Variants in STX7 observed in about 807,000 individuals in gnomAD.
STX7 encodes syntaxin-7.
A neutral mutation model predicts 39.6 loss-of-function variants in STX7; 34 were observed. The ratio of observed to expected loss-of-function variants is 0.86; its 90% CI spans 0.65 to 1.14. The LOEUF (loss-of-function observed/expected upper bound fraction) is 1.14, where lower values mean the gene tolerates loss of function less well. Ranked by LOEUF, STX7 falls within the 50% of genes most tolerant of loss-of-function variation. STX7 has a pLI of 0.00. For synonymous variants in STX7, 119 were observed against 99.1 expected (o/e 1.20, Z -1.19); for missense variants, 284 against 310.4 (o/e 0.92, Z 0.64).
chr6:132,493,141 A>G (rs1054135690), intron 2 of STX7, among the ~76,000 whole-genome samples: 1 of 152,230 alleles, frequency 6.6e-6, no homozygotes, highest in Non-Finnish European at 1.5e-5. Context: ...AATATCATTA[A>G]TACGTAACTT....
At chr6:132,509,429 C>A (rs940435657) in intron 1 of STX7, among the ~76,000 whole-genome samples, 4 of 143,910 alleles carry the variant, frequency 2.8e-5, no homozygotes, top group East Asian at 2.1e-4. Context: ...TCCAGCCCGG[C>A]GACAGAGCGA....
At chr6:132,512,910 C>G (rs1376160341) in intron 1 of STX7, 97 bp downstream of exon 1, 1 of 152,278 alleles carries the variant, frequency 6.6e-6, no homozygotes, top group African/African-American at 2.4e-5. Flanking sequence ...GCGGCGGCCA[C>G]CTGACCACGC....
rs1351181363 is a variant in STX7 at position 132,475,547 on chromosome 6, A to G, written c.155+46T>C. 5 of 1,321,602 alleles carry G rather than the reference A, an allele frequency of 3.8e-6. No individual in the cohort carries two copies. In the African/African-American group the frequency reaches 4.4e-5, roughly 12 times the overall value. 81.9% of individuals were successfully genotyped at this position (1,321,602 alleles called of 1,614,324 possible). A position where few individuals can be genotyped will look rare whatever the true frequency, so the allele number is the denominator to read the frequency against. On this transcript the variant is annotated intron_variant, in intron 3 of 9. Coordinates refer to ENST00000367941, the MANE Select transcript of STX7 (RefSeq NM_003569.3). ...ACTGTAAAAGCAACAGAATAATAGC[A>G]ATAGAGTTTTTTCTTTCTCTTTTAT...
intron 2 of STX7, among the ~76,000 whole-genome samples, chr6:132,476,278 T>C (rs1438670591): frequency 2.0e-5 from 3 of 152,140 alleles, no homozygotes; most frequent in Non-Finnish European, 4.4e-5. Flanking sequence ...AAAACTGACA[T>C]TATGAACCTT....
chr6:132,492,807 A>G (rs1775327870), intron 2 of STX7, among the ~76,000 whole-genome samples: 1 of 152,220 alleles, frequency 6.6e-6, no homozygotes, highest in African/African-American at 2.4e-5. Flanking sequence ...AATTAAAAAT[A>G]GTTTTAAAAT....
intron 2 of STX7, among the ~76,000 whole-genome samples, chr6:132,490,837 T>C (rs1775261772): frequency 6.6e-6 from 1 of 152,022 alleles, no homozygotes; most frequent in South Asian, 2.1e-4. Context: ...GGGAACACCT[T>C]GGAAAGAGGT....
chr6:132,489,264 T>C (rs750226427), intron 2 of STX7, among the ~76,000 whole-genome samples: 1 of 147,024 alleles, frequency 6.8e-6, no homozygotes, highest in Non-Finnish European at 1.5e-5. Context: ...ATGGCATAGA[T>C]CTTTGTAAGA....
rs879924998 is a variant in STX7, at chr6:132,447,193, GT to G, written c.*13564del. 31 of 152,334 alleles carry G rather than the reference GT, an allele frequency of 2.0e-4. No homozygotes were observed. Among genetic ancestry groups the G allele is most frequent in the Admixed American group, 1.8e-3 (28 of 15,298 alleles). 9.4% of individuals were successfully genotyped at this position (152,334 alleles called of 1,614,324 possible). On this transcript the variant is annotated 3_prime_UTR_variant, in exon 10 of 10. Transcript: ENST00000367941. ...AAAACACCCTAAGATGGAACTTACT[GT>G]GTAGTGGAAAGAGTTAGACTCACTA... is the stretch of plus-strand genomic sequence containing the variant.
intron 9 of STX7, chr6:132,461,711 CAACA>C: frequency 1.0e-6 from 1 of 987,706 alleles, no homozygotes; most frequent in Non-Finnish European, 1.4e-6. Context: ...TTCAAAATCT[CAACA>C]AACAAAACCA....
chr6:132,494,283 T>C (rs1183117144), intron 2 of STX7, among the ~76,000 whole-genome samples: 1 of 152,050 alleles, frequency 6.6e-6, no homozygotes, highest in Non-Finnish European at 1.5e-5. Context: ...CTCAATTTCA[T>C]TAAAAAATGA....
intron 7 of STX7, among the ~76,000 whole-genome samples, chr6:132,469,739 T>C (rs1774661892): frequency 6.6e-6 from 1 of 152,172 alleles, no homozygotes; most frequent in African/African-American, 2.4e-5. Flanking sequence ...CTCAGCAAGC[T>C]GAGGCACAAG....
intron 1 of STX7, among the ~76,000 whole-genome samples, chr6:132,506,703 A>G (rs141215584): frequency 2.1e-3 from 323 of 152,318 alleles, no homozygotes; most frequent in Non-Finnish European, 3.7e-3. Flanking sequence ...GTAAAGTAGT[A>G]CAACCTCTAC....
intron 1 of STX7, among the ~76,000 whole-genome samples, chr6:132,504,586 C>T (rs968211022): frequency 1.9e-4 from 29 of 152,346 alleles, no homozygotes; most frequent in African/African-American, 7.0e-4. Context: ...TGTAAGCTAG[C>T]TCTCTACTAA....
chr6:132,494,121 G>C (rs1775363883), intron 2 of STX7, among the ~76,000 whole-genome samples: 1 of 152,064 alleles, frequency 6.6e-6, no homozygotes, highest in African/African-American at 2.4e-5. Context: ...AAATGGTTAG[G>C]TTCTCAGGTT....
chr6:132,477,048 G>A lies in STX7; in HGVS notation c.86-1386C>T, dbSNP rs189683630. 7.9e-5 allele frequency among the ~76,000 whole-genome samples: 12 copies of A among 152,134 alleles called. No homozygotes were observed. In the East Asian group the frequency reaches 9.6e-4, roughly 12 times the overall value. ...GTATTACAAAATGCAGGATAATTTTGGTCACCGCGAATGATGTAATAAATA... is the reference window on the plus strand; with the variant it reads ...GTATTACAAAATGCAGGATAATTTTAGTCACCGCGAATGATGTAATAAATA... On this transcript the variant is annotated intron_variant, in intron 2 of 9. Transcript: ENST00000367941.
Position 132,475,573 on chromosome 6 carries a change from T to A in STX7, c.155+20A>T, listed in dbSNP as rs1489368213. 1.3e-6 allele frequency: 2 copies of A among 1,548,854 alleles called. No individual in the cohort carries two copies. The highest frequency in any genetic ancestry group is 1.8e-6 in the Non-Finnish European group (2 of 1,136,972). On this transcript the variant is annotated intron_variant, in intron 3 of 9. Coordinates refer to ENST00000367941, the MANE Select transcript of STX7 (RefSeq NM_003569.3). ...ATAGAGTTTTTTCTTTCTCTTTTAT[T>A]TATTTAACTAGATACTTACAACTGT...
In STX7 at chr6:132,511,585, G is replaced by A. The variant is rs149056407; in HGVS notation, c.-59+1422C>T. 3.5e-3 allele frequency among the ~76,000 whole-genome samples: 539 copies of A among 152,344 alleles called. 1 individual carries two copies. Among genetic ancestry groups the A allele is most frequent in the Non-Finnish European group, 5.2e-3 (351 of 68,028 alleles). On this transcript the variant is annotated intron_variant, in intron 1 of 9. Transcript: ENST00000367941. Reference sequence around the variant, plus strand: ...ACCTTGTCATCCTGTGTAATCTACAGTGCCTGGTGCATAGTAAATGCTCAA... The same window carrying A: ...ACCTTGTCATCCTGTGTAATCTACAATGCCTGGTGCATAGTAAATGCTCAA...
intron 2 of STX7, among the ~76,000 whole-genome samples, chr6:132,493,555 GT>G (rs1198691889): frequency 2.6e-5 from 4 of 152,166 alleles, no homozygotes; most frequent in African/African-American, 9.7e-5. Context: ...CATGTAAGAA[GT>G]CCCCATGCTT....
chr6:132,467,700 C>T (rs1342247839), intron 8 of STX7, among the ~76,000 whole-genome samples: 2 of 152,144 alleles, frequency 1.3e-5, no homozygotes, highest in Non-Finnish European at 2.9e-5. Flanking sequence ...AAAATAGTTA[C>T]ACTGAAGTAA....
Sources: gnomAD v4.1 joint callset for allele counts (sites outside exome capture counted in the v4.1 genomes callset) on GRCh38, gnomAD v4.1.1 for gene constraint, MANE v1.5 for transcripts, NCBI Gene and HGNC (gene_info 2026-07-23, HGNC 2026-07-21) for gene names.